The following FANCL variants were observed in gnomAD, a reference collection of about 807,000 sequenced individuals.
The protein encoded by FANCL is FA complementation group L.
In FANCL, 69 loss-of-function variants were observed where a neutral mutation model predicts 59.4. The ratio of observed to expected loss-of-function variants is 1.16; its 90% CI spans 0.96 to 1.42. The LOEUF is 1.42. Among genes scored for constraint, FANCL ranks in the 40% most tolerant of loss-of-function variants. The pLI, the probability that FANCL is intolerant of heterozygous loss-of-function variation, is 0.00. For synonymous variants in FANCL, 180 were observed against 147.1 expected (o/e 1.22, Z -1.62); for missense variants, 519 against 447.2 (o/e 1.16, Z -1.45).
chr2:58,159,638 G>T lies in FANCL; in HGVS notation c.*127C>A, dbSNP rs192754138. On this transcript the variant is annotated 3_prime_UTR_variant, in exon 14 of 14. Coordinates refer to ENST00000233741, the MANE Select transcript of FANCL (RefSeq NM_018062.4). ...ACAAACGCAGATGTTTATTATTATC[G>T]CATCATCATACCTGTCCTTTTGATG... The T allele has an allele frequency of 1.3e-5, 21 of 1,613,476 alleles. No individual in the cohort carries two copies. In the South Asian group the frequency reaches 1.9e-4, roughly 14 times the overall value.
intron 7 of FANCL, among the ~76,000 whole-genome samples, chr2:58,191,738 GGA>G (rs773696049): frequency 6.6e-5 from 10 of 151,702 alleles, no homozygotes; most frequent in African/African-American, 2.4e-4. Context: ...CATTACACAT[GGA>G]GAGAGACTAC....
chr2:58,162,443 T>C (rs1433724081), intron 11 of FANCL, among the ~76,000 whole-genome samples: 1 of 151,944 alleles, frequency 6.6e-6, no homozygotes, highest in Non-Finnish European at 1.5e-5. Flanking sequence ...AAAAAGTATA[T>C]AGTTGACCCT....
At chr2:58,226,889 T>C in intron 3 of FANCL, 105 bp from the exon 4 acceptor site, 1 of 888,806 alleles carries the variant, frequency 1.1e-6, no homozygotes, top group South Asian at 1.5e-5. Context: ...AAAGATTAGC[T>C]ATATCTACAT....
Position 58,159,614 on chromosome 2 carries a change from CA to C in FANCL, c.*150del. 6.2e-7 allele frequency: 1 copy of C among 1,613,828 alleles called. No individual in the cohort carries two copies. The highest frequency in any genetic ancestry group is 8.5e-7 in the Non-Finnish European group (1 of 1,179,820). ...TCCCAGTTTACTCTTAGTGAAGAGA[CA>C]AACGCAGATGTTTATTATTATCGCA... On this transcript the variant is annotated 3_prime_UTR_variant, in exon 14 of 14. Coordinates refer to ENST00000233741, the MANE Select transcript of FANCL (RefSeq NM_018062.4).
At chr2:58,164,420 C>G (rs1416262185) in intron 8 of FANCL, among the ~76,000 whole-genome samples, 1 of 151,966 alleles carries the variant, frequency 6.6e-6, no homozygotes, top group Non-Finnish European at 1.5e-5. Context: ...AAGTTATAAT[C>G]TCATTTGGTA....
chr2:58,213,141 CAG>C (rs1489069058), intron 5 of FANCL, among the ~76,000 whole-genome samples: 1 of 152,178 alleles, frequency 6.6e-6, no homozygotes, highest in Non-Finnish European at 1.5e-5. Context: ...AAGGAAAATA[CAG>C]ACTTATTGAC....
chr2:58,166,538 C>T (rs147566803), intron 7 of FANCL, among the ~76,000 whole-genome samples: 27 of 152,270 alleles, frequency 1.8e-4, no homozygotes, highest in African/African-American at 6.5e-4. Flanking sequence ...AATGCCATCA[C>T]TGACTTTAAA....
chr2:58,172,560 G>A lies in FANCL; in HGVS notation c.541-6686C>T, dbSNP rs543224120. On this transcript the variant is annotated intron_variant, in intron 7 of 13. Coordinates refer to ENST00000233741, the MANE Select transcript of FANCL (RefSeq NM_018062.4). ...GAGGGTCTCTGTTAACAGAGGGTCT[G>A]TTTGTTAACAGAAAGGACTCTTAGC... Among the ~76,000 whole-genome samples the A allele has an allele frequency of 2.6e-5, 4 of 152,284 alleles. No individual in the cohort carries two copies. The South Asian group carries it at 8.3e-4, about 32-fold the overall frequency.
chr2:58,217,189 T>G (rs1183548936), intron 5 of FANCL, among the ~76,000 whole-genome samples: 7 of 4,252 alleles, frequency 1.6e-3, no homozygotes, highest in Admixed American at 9.2e-3. Flanking sequence ...TATATATATA[T>G]ATATATATAT....
At chr2:58,180,882 G>GA (rs1491341842) in intron 7 of FANCL, among the ~76,000 whole-genome samples, 3 of 151,938 alleles carry the variant, frequency 2.0e-5, no homozygotes, top group Non-Finnish European at 1.5e-5. Flanking sequence ...AAAAAAAAGT[G>GA]AGAGTACTAA....
chr2:58,204,661 T>C (rs1001536771), intron 5 of FANCL, among the ~76,000 whole-genome samples: 9 of 152,132 alleles, frequency 5.9e-5, no homozygotes. Context: ...TCTCCTATAT[T>C]ATCAATAATG....
chr2:58,173,813 A>G (rs1380212582), intron 7 of FANCL, among the ~76,000 whole-genome samples: 3 of 152,136 alleles, frequency 2.0e-5, no homozygotes, highest in African/African-American at 7.2e-5. Context: ...AAATGGACTA[A>G]ATGCTCCAAT....
chr2:58,177,423 C>A (rs1193888822), intron 7 of FANCL, among the ~76,000 whole-genome samples: 1 of 152,050 alleles, frequency 6.6e-6, no homozygotes, highest in Non-Finnish European at 1.5e-5. Context: ...AAACGTGGCA[C>A]ATATACACCA....
chr2:58,171,205 A>G (rs12469873), intron 7 of FANCL, among the ~76,000 whole-genome samples: 36,234 of 152,174 alleles, frequency 0.24, 5,329 homozygotes, highest in African/African-American at 0.41. Flanking sequence ...ATTAGAACTC[A>G]GGATTAAGAA....
chr2:58,160,716 C>T (rs1685025170), intron 12 of FANCL, among the ~76,000 whole-genome samples: 1 of 151,818 alleles, frequency 6.6e-6, no homozygotes, highest in Admixed American at 6.6e-5. Context: ...CACATGTTCC[C>T]TTAGAGTATT....
Position 58,204,150 on chromosome 2 carries a change from T to G in FANCL, c.451A>C (p.Thr151Pro). The change falls in exon 6 of 14, where the codon ACT becomes CCT. Residue 151 changes from threonine (T) to proline (P), a missense_variant. Physicochemically the swap from Thr to Pro is conservative, Grantham distance 38 (BLOSUM62 -1). Transcript: ENST00000233741. Reference sequence around the variant, plus strand: ...CATACCTTTGCCTTCAACTTGAGAGTGATTAAATGCTCTCTACCAGAAGCA... The same window carrying G: ...CATACCTTTGCCTTCAACTTGAGAGGGATTAAATGCTCTCTACCAGAAGCA... ...EDASGREHLI[T>P]LKLKAKYPAE... is the part of the protein sequence containing the mutation. The G allele has an allele frequency of 1.2e-6, 2 of 1,612,846 alleles. No individual in the cohort carries two copies. The highest frequency in any genetic ancestry group is 1.7e-6 in the Non-Finnish European group (2 of 1,179,128).
chr2:58,193,378 C>G (rs1689122030), intron 7 of FANCL, among the ~76,000 whole-genome samples: 1 of 151,012 alleles, frequency 6.6e-6, no homozygotes, highest in South Asian at 2.1e-4. Flanking sequence ...TATTTTTCCT[C>G]TTTCTCTTCT....
At chr2:58,228,197 T>C (rs1693224464) in intron 3 of FANCL, among the ~76,000 whole-genome samples, 2 of 151,814 alleles carry the variant, frequency 1.3e-5, no homozygotes, top group South Asian at 4.2e-4. Context: ...TATAATAAAA[T>C]GGCAAAAAAG....
At chr2:58,172,576 G>A (rs1430171803) in intron 7 of FANCL, among the ~76,000 whole-genome samples, 1 of 152,166 alleles carries the variant, frequency 6.6e-6, no homozygotes, top group African/African-American at 2.4e-5. Flanking sequence ...TAACAGAAAG[G>A]ACTCTTAGCT....
Sources: allele counts gnomAD v4.1 joint callset (sites outside exome capture counted in the v4.1 genomes callset), GRCh38; gene constraint gnomAD v4.1.1; transcripts MANE v1.5; gene names NCBI Gene and HGNC (gene_info 2026-07-23, HGNC 2026-07-21).